The following POGLUT1 variants were observed in gnomAD, a reference collection of about 807,000 sequenced individuals.
POGLUT1 encodes the protein 9630046K23Rik.
POGLUT1 carries 32 observed loss-of-function variants against 61.3 expected under a neutral mutation model. That is an observed-to-expected ratio of 0.52 (90% CI 0.39 to 0.70). The LOEUF is 0.70. Ranked by LOEUF, POGLUT1 falls within the 30% of genes least tolerant of loss-of-function variation. POGLUT1 has a pLI of 0.00. For synonymous variants in POGLUT1, 158 were observed against 158.2 expected (o/e 1.00, Z 0.01); for missense variants, 411 against 469.8 (o/e 0.87, Z 1.16).
At chr3:119,476,023 G>C (rs1406090850) in intron 3 of POGLUT1, among the ~76,000 whole-genome samples, 1 of 149,326 alleles carries the variant, frequency 6.7e-6, no homozygotes, top group Non-Finnish European at 1.5e-5. Context: ...AGGTGTGTTG[G>C]CACACACCTG....
rs374962958 is a variant in POGLUT1 at position 119,471,435 on chromosome 3, C to G, written c.303C>G (p.Asp101Glu). Residue 101 changes from aspartate to glutamate, a missense_variant, in exon 3 of 11, where the codon GAC becomes GAG. Asp to Glu is a conservative substitution (Grantham distance 45). Transcript: ENST00000295588. The part of the protein sequence containing the change: ...ITKNRLYREN[D>E]CMFPSRCSGV... ...AGAACAGACTGTACCGGGAAAATGACTGCATGTTCCCCTCAAGGTAAGAGT... is the reference window on the plus strand; with the variant it reads ...AGAACAGACTGTACCGGGAAAATGAGTGCATGTTCCCCTCAAGGTAAGAGT... 1 of 1,613,888 alleles carries G rather than the reference C, an allele frequency of 6.2e-7. No individual in the cohort carries two copies. Among genetic ancestry groups the G allele is most frequent in the African/African-American group, 1.3e-5 (1 of 74,912 alleles).
At chr3:119,476,502 GT>G (rs1211352472) in intron 3 of POGLUT1, among the ~76,000 whole-genome samples, 1 of 151,550 alleles carries the variant, frequency 6.6e-6, no homozygotes, top group Non-Finnish European at 1.5e-5. Context: ...TATGTTGCTG[GT>G]CTAGAACTCT....
chr3:119,474,989 C>T (rs1223705387), intron 3 of POGLUT1, among the ~76,000 whole-genome samples: 2 of 151,382 alleles, frequency 1.3e-5, no homozygotes, highest in Non-Finnish European at 2.9e-5. Context: ...GTATTACATA[C>T]ACTTTGGATA....
Position 119,490,647 on chromosome 3 carries a change from A to G in POGLUT1, c.894A>G (p.Leu298=), listed in dbSNP as rs1298663344. Reference sequence around the variant, plus strand: ...TTTTCCATGTTGGTGATGAGTGGCTAGAATTCTTCTATCCACAGCTGAAGC... The same window carrying G: ...TTTTCCATGTTGGTGATGAGTGGCTGGAATTCTTCTATCCACAGCTGAAGC... ...SLVFHVGDEW[L]EFFYPQLKPW... The change falls in exon 9 of 11, where the codon CTA becomes CTG. Residue 298 remains leucine, a synonymous_variant. Coordinates refer to ENST00000295588, the MANE Select transcript of POGLUT1 (RefSeq NM_152305.3). 1.2e-6 allele frequency: 2 copies of G among 1,614,114 alleles called. No homozygotes were observed. Among genetic ancestry groups the G allele is most frequent in the East Asian group, 2.2e-5 (1 of 44,878 alleles).
At chr3:119,477,978 C>A in intron 4 of POGLUT1, 1 of 231,500 alleles carries the variant, frequency 4.3e-6, no homozygotes, top group Non-Finnish European at 8.6e-6. Context: ...CTGGAGATAG[C>A]CTAGAGGGCT....
intron 10 of POGLUT1, 139 bp downstream of exon 10, chr3:119,491,713 C>T: frequency 2.0e-6 from 1 of 507,764 alleles, no homozygotes; most frequent in East Asian, 3.4e-5. Flanking sequence ...AGAACTAAAC[C>T]TGTCCTGGGG....
rs145603083 is a variant in POGLUT1 at position 119,491,338 on chromosome 3, TGGG to T, written c.966-177_966-175del. ...CAATAGGGTATCTTTAATCAGTGTG[TGGG>T]GGTTTTTTTTTGTTATTATTTTGTT... On this transcript the variant is annotated intron_variant, in intron 9 of 10. Coordinates refer to ENST00000295588, the MANE Select transcript of POGLUT1 (RefSeq NM_152305.3). 2.2e-3 allele frequency among the ~76,000 whole-genome samples: 330 copies of T among 147,054 alleles called. 1 individual carries two copies. The highest frequency in any genetic ancestry group is 4.5e-3 in the Non-Finnish European group (296 of 66,076).
chr3:119,476,370 A>G (rs1039626322), intron 3 of POGLUT1, among the ~76,000 whole-genome samples: 2 of 152,016 alleles, frequency 1.3e-5, no homozygotes, highest in Non-Finnish European at 2.9e-5. Flanking sequence ...TATTATTAAT[A>G]CAGTTGAGCA....
chr3:119,489,078 G>A (rs968820885), intron 8 of POGLUT1, 91 bp downstream of exon 8: 4 of 660,664 alleles, frequency 6.1e-6, no homozygotes, highest in Non-Finnish European at 1.1e-5. Context: ...TAAAGGCCCA[G>A]CTGGAGTAAA....
chr3:119,485,405 AT>A lies in POGLUT1; in HGVS notation c.638+22del. ...GGATCAAGGTGAGTTATTTTCTGAC[AT>A]TTTACAAAGATATTCTTCCAAGTAA... On this transcript the variant is annotated intron_variant, in intron 6 of 10. Transcript: ENST00000295588. 1 of 1,563,876 alleles carries A rather than the reference AT, an allele frequency of 6.4e-7. No homozygotes were observed. Among genetic ancestry groups the A allele is most frequent in the Non-Finnish European group, 8.8e-7 (1 of 1,135,758 alleles).
chr3:119,483,507 T>C (rs2081630436), intron 5 of POGLUT1, among the ~76,000 whole-genome samples: 1 of 152,236 alleles, frequency 6.6e-6, no homozygotes, highest in African/African-American at 2.4e-5. Flanking sequence ...AACCTACCTC[T>C]TAAGATTGTG....
In POGLUT1 at chr3:119,491,528, C is replaced by G. The variant is rs535554982; in HGVS notation, c.976C>G (p.Gln326Glu). Reference sequence around the variant, plus strand: ...TTCTTTTCATTTTAGAGAGCTGTTACAATTTGTAAAAGCAAATGATGATGT... The same window carrying G: ...TTCTTTTCATTTTAGAGAGCTGTTAGAATTTGTAAAAGCAAATGATGATGT... ...TDLSNVQELL[Q>E]FVKANDDVAQ... The change falls in exon 10 of 11, where the codon CAA (glutamine) becomes GAA (glutamate). Residue 326 changes from glutamine (Q) to glutamate (E), a missense_variant. Transcript: ENST00000295588. 2.6e-6 allele frequency: 4 copies of G among 1,527,826 alleles called. No homozygotes were observed. The African/African-American group carries it at 4.1e-5, about 16-fold the overall frequency. 94.6% of individuals were successfully genotyped at this position (1,527,826 alleles called of 1,614,324 possible). A position where few individuals can be genotyped will look rare whatever the true frequency, so the allele number is the denominator to read the frequency against.
intron 3 of POGLUT1, among the ~76,000 whole-genome samples, chr3:119,474,425 T>A (rs2081512228): frequency 6.6e-6 from 1 of 152,180 alleles, no homozygotes; most frequent in Non-Finnish European, 1.5e-5. Flanking sequence ...CTCCTGCGTC[T>A]CCCTGTCTCC....
Position 119,471,297 on chromosome 3 carries a change from A to G in POGLUT1, c.177-12A>G, listed in dbSNP as rs1470522631. 4 of 1,613,122 alleles carry G rather than the reference A, an allele frequency of 2.5e-6. No homozygotes were observed. The African/African-American group carries it at 4.0e-5, about 16-fold the overall frequency. On this transcript the variant is annotated splice_polypyrimidine_tract_variant and intron_variant, in intron 2 of 10. Coordinates refer to ENST00000295588, the MANE Select transcript of POGLUT1 (RefSeq NM_152305.3). ...TGGCCTGCTTTCCTTGATGACTCCC[A>G]TTCTTTCCCAGTGTCATAGAAGAGG...
rs541675230 is a variant in POGLUT1, at chr3:119,494,697, G to C, written c.*2259G>C. 5.2e-5 allele frequency: 8 copies of C among 152,570 alleles called. No homozygotes were observed. The highest frequency in any genetic ancestry group is 1.9e-4 in the African/African-American group (8 of 41,556). 9.5% of individuals were successfully genotyped at this position (152,570 alleles called of 1,614,324 possible). On this transcript the variant is annotated 3_prime_UTR_variant, in exon 11 of 11. Transcript: ENST00000295588. Reference sequence around the variant, plus strand: ...TTTATTTGAATGAAGTGGGATACTTGCATAACACAAATAATGCTTTGTCTT... The same window carrying C: ...TTTATTTGAATGAAGTGGGATACTTCCATAACACAAATAATGCTTTGTCTT...
chr3:119,477,074 T>G (rs1466679240), intron 3 of POGLUT1, among the ~76,000 whole-genome samples: 1 of 152,210 alleles, frequency 6.6e-6, no homozygotes, highest in Non-Finnish European at 1.5e-5. Flanking sequence ...GACGATTTAT[T>G]TGGAAAATTT....
intron 1 of POGLUT1, 42 bp downstream of exon 1, chr3:119,469,148 G>A (rs2081435135): frequency 6.7e-7 from 1 of 1,488,428 alleles, no homozygotes. Flanking sequence ...TGGGCTCGGG[G>A]TCTGGCCGGA....
intron 4 of POGLUT1, chr3:119,478,203 T>C (rs1167422595): frequency 1.6e-5 from 6 of 370,332 alleles, no homozygotes; most frequent in Non-Finnish European, 2.7e-5. Context: ...GAAGATTCTA[T>C]GGGGTAAGAG....
intron 1 of POGLUT1, 74 bp downstream of exon 1, chr3:119,469,180 C>G (rs775426482): frequency 8.3e-7 from 1 of 1,209,154 alleles, no homozygotes; most frequent in African/African-American, 1.5e-5. Flanking sequence ...CTCCCCCGCG[C>G]GGCCGGCTCC....
Sources: gnomAD v4.1 joint callset for allele counts (sites outside exome capture counted in the v4.1 genomes callset) on GRCh38, gnomAD v4.1.1 for gene constraint, MANE v1.5 for transcripts, NCBI Gene and HGNC (gene_info 2026-07-23, HGNC 2026-07-21) for gene names.